Variants in EXT1 observed in about 807,000 individuals in gnomAD.
EXT1 encodes the protein exostosin glycosyltransferase 1.
In EXT1, 20 loss-of-function variants were observed where a neutral mutation model predicts 82.5. The observed-to-expected ratio is 0.24, with a 90% CI of 0.17 to 0.35. EXT1 has a LOEUF of 0.35. EXT1 is among the 10% of genes least tolerant of loss of function. The pLI is 1.00. For synonymous variants in EXT1, 348 were observed against 350.8 expected (o/e 0.99, Z 0.09); for missense variants, 757 against 936.5 (o/e 0.81, Z 2.50).
intron 1 of EXT1, among the ~76,000 whole-genome samples, chr8:117,904,850 A>G (rs370490617): frequency 2.0e-5 from 3 of 152,128 alleles, no homozygotes; most frequent in African/African-American, 7.2e-5. Context: ...TGGAAAAAAA[A>G]AAGTGTGAAG....
intron 1 of EXT1, among the ~76,000 whole-genome samples, chr8:117,883,994 G>A (rs1813105998): frequency 6.6e-6 from 1 of 152,148 alleles, no homozygotes; most frequent in Non-Finnish European, 1.5e-5. Context: ...TGTCACTTGG[G>A]GATTTGGAGA....
chr8:117,835,585 A>G (rs1461168540), intron 2 of EXT1, 34 bp from the exon 3 acceptor site: 7 of 1,487,240 alleles, frequency 4.7e-6, no homozygotes, highest in Non-Finnish European at 6.6e-6. Context: ...GAATGTGAGG[A>G]AAGCGACAGC....
chr8:117,913,369 G>C (rs1813688306), intron 1 of EXT1, among the ~76,000 whole-genome samples: 1 of 152,028 alleles, frequency 6.6e-6, no homozygotes, highest in African/African-American at 2.4e-5. Context: ...CCAGTCTAGG[G>C]GCCCCAGTAT....
rs1823111270 is a variant in EXT1, at chr8:117,798,118, C to T, written c.*1594G>A. ...TACAAAGAAAGGATGAGGTAAAGTCCAATGGACTTACGGTTTCCACTGACC... is the reference window on the plus strand; with the variant it reads ...TACAAAGAAAGGATGAGGTAAAGTCTAATGGACTTACGGTTTCCACTGACC... On this transcript the variant is annotated 3_prime_UTR_variant, in exon 11 of 11. Coordinates refer to ENST00000378204, the MANE Select transcript of EXT1 (RefSeq NM_000127.3). 6.6e-6 allele frequency: 1 copy of T among 152,158 alleles called. No individual in the cohort carries two copies. The highest frequency in any genetic ancestry group is 2.1e-4 in the South Asian group (1 of 4,826). The allele number at this position is 152,158 out of a possible 1,614,324, so 9.4% of individuals were successfully genotyped here.
At chr8:117,856,252 CTTTT>C (rs941357298) in intron 1 of EXT1, among the ~76,000 whole-genome samples, 5 of 135,636 alleles carry the variant, frequency 3.7e-5, no homozygotes, top group Admixed American at 1.5e-4. Flanking sequence ...AAGGCTTTTT[CTTTT>C]TTTTTTTTTT....
At chr8:117,909,504 C>A (rs1386691573) in intron 1 of EXT1, among the ~76,000 whole-genome samples, 1 of 152,028 alleles carries the variant, frequency 6.6e-6, no homozygotes, top group Non-Finnish European at 1.5e-5. Context: ...TGAATAAATT[C>A]AAAAAATATG....
chr8:118,037,990 G>A (rs993327573), intron 1 of EXT1, among the ~76,000 whole-genome samples: 3 of 151,922 alleles, frequency 2.0e-5, no homozygotes, highest in Non-Finnish European at 2.9e-5. Flanking sequence ...ACAGGCATGC[G>A]CCACCATGCC....
At chr8:118,046,260 AGC>A (rs2129914058) in intron 1 of EXT1, among the ~76,000 whole-genome samples, 2 of 152,186 alleles carry the variant, frequency 1.3e-5, no homozygotes, top group South Asian at 4.2e-4. Flanking sequence ...CAATTTAAGG[AGC>A]AGCAGATAAG....
intron 1 of EXT1, among the ~76,000 whole-genome samples, chr8:117,951,250 T>G (rs189281434): frequency 2.0e-5 from 3 of 152,312 alleles, no homozygotes; most frequent in Non-Finnish European, 2.9e-5. Context: ...TGAAATGATT[T>G]GTATATTTCC....
chr8:117,969,278 A>T (rs903335296), intron 1 of EXT1, among the ~76,000 whole-genome samples: 1 of 152,254 alleles, frequency 6.6e-6, no homozygotes, highest in Non-Finnish European at 1.5e-5. Context: ...GAAAATAATA[A>T]ACAAGTAGAT....
chr8:117,874,445 A>G (rs1360356844), intron 1 of EXT1, among the ~76,000 whole-genome samples: 1 of 151,916 alleles, frequency 6.6e-6, no homozygotes, highest in Non-Finnish European at 1.5e-5. Flanking sequence ...GTGTGTTAGC[A>G]CATGCCTGTA....
intron 1 of EXT1, among the ~76,000 whole-genome samples, chr8:117,983,463 G>A (rs1815248897): frequency 6.6e-6 from 1 of 152,168 alleles, no homozygotes; most frequent in African/African-American, 2.4e-5. Context: ...CAGCCTGGGA[G>A]ACAGACAGAT....
intron 1 of EXT1, among the ~76,000 whole-genome samples, chr8:118,055,991 T>G (rs1307883790): frequency 6.6e-6 from 1 of 152,218 alleles, no homozygotes; most frequent in African/African-American, 2.4e-5. Flanking sequence ...TCCAATCTTT[T>G]GGCTTCCCTG....
chr8:117,854,713 T>C (rs1275209254), intron 1 of EXT1, among the ~76,000 whole-genome samples: 1 of 152,170 alleles, frequency 6.6e-6, no homozygotes, highest in East Asian at 1.9e-4. Context: ...CAGTATTGCG[T>C]CCTAAGTGTC....
intron 1 of EXT1, among the ~76,000 whole-genome samples, chr8:118,023,739 A>G (rs982892084): frequency 6.6e-6 from 1 of 152,242 alleles, no homozygotes; most frequent in Non-Finnish European, 1.5e-5. Context: ...GGAAAAAGCA[A>G]TAGTAAATTT....
At chr8:117,939,583 A>AG (rs1254975289) in intron 1 of EXT1, among the ~76,000 whole-genome samples, 1 of 151,214 alleles carries the variant, frequency 6.6e-6, no homozygotes, top group Non-Finnish European at 1.5e-5. Context: ...AAAAAAAAAA[A>AG]AAAGAAAAAG....
chr8:117,904,776 G>T lies in EXT1; in HGVS notation c.963-67575C>A, dbSNP rs1001969797. 2.0e-5 allele frequency among the ~76,000 whole-genome samples: 3 copies of T among 152,020 alleles called. No individual in the cohort carries two copies. In the Middle Eastern group the frequency reaches 9.5e-3, roughly 481 times the overall value. On this transcript the variant is annotated intron_variant, in intron 1 of 10. Transcript: ENST00000378204. ...GAGAATGCTTTAGCTGGAAAAAGTG[G>T]GGTGGTGGGGAGAAGGTTGGGGAGA...
chr8:118,066,658 G>A (rs1474742690), intron 1 of EXT1, among the ~76,000 whole-genome samples: 3 of 152,100 alleles, frequency 2.0e-5, no homozygotes, highest in Admixed American at 6.6e-5. Context: ...ACAGCGCCAG[G>A]CCCAGCTTGC....
intron 1 of EXT1, among the ~76,000 whole-genome samples, chr8:117,979,888 T>C (rs1815150103): frequency 6.6e-6 from 1 of 152,224 alleles, no homozygotes; most frequent in Admixed American, 6.5e-5. Flanking sequence ...ACAAATTGTT[T>C]TGTTCATATG....
Sources: allele counts gnomAD v4.1 joint callset (sites outside exome capture counted in the v4.1 genomes callset), GRCh38; gene constraint gnomAD v4.1.1; transcripts MANE v1.5; gene names NCBI Gene and HGNC (gene_info 2026-07-23, HGNC 2026-07-21).